The following SHISA9 variants were observed in gnomAD, a reference collection of about 807,000 sequenced individuals.
SHISA9 encodes the protein shisa family member 9, also known as protein shisa-9.
Under a neutral mutation model 38.0 loss-of-function variants are expected in SHISA9, and 13 were observed. The observed-to-expected ratio is 0.34, with a 90% CI of 0.22 to 0.54. The LOEUF is 0.54. Among genes scored for constraint, SHISA9 ranks in the 20% least tolerant of loss-of-function variants. The probability of loss-of-function intolerance (pLI) is 0.91; values close to 1 mark genes in which losing one functional copy is unlikely to be tolerated. For synonymous variants in SHISA9, 275 were observed against 242.0 expected, an observed-to-expected ratio of 1.14 and a Z score of -1.27; for missense variants, 538 against 575.8, an observed-to-expected ratio of 0.93 and a Z score of 0.67.
At chr16:12,930,675 AACCTT>A (rs1457524425) in intron 2 of SHISA9, among the ~76,000 whole-genome samples, 1 of 152,226 alleles carries the variant, frequency 6.6e-6, no homozygotes, top group African/African-American at 2.4e-5. Context: ...TAATGAAAAA[AACCTT>A]AACACTGGTG....
At chr16:13,407,693 T>C in the SHISA9 span, among the ~76,000 whole-genome samples, 1 of 152,178 alleles carries the variant, frequency 6.6e-6, no homozygotes, top group Admixed American at 6.5e-5. Context: ...CCTCTACCCA[T>C]TTATCAACAA....
the SHISA9 span, among the ~76,000 whole-genome samples, chr16:13,423,453 C>T: frequency 2.0e-5 from 3 of 152,328 alleles, no homozygotes; most frequent in South Asian, 6.2e-4. Flanking sequence ...TTTATAACCT[C>T]TGTACCTGTT....
chr16:13,141,758 T>C (rs1030717743), intron 2 of SHISA9, among the ~76,000 whole-genome samples: 8 of 152,142 alleles, frequency 5.3e-5, no homozygotes, highest in Admixed American at 5.2e-4. Context: ...AGCTCTTGTA[T>C]CCTCCTTGCC....
At chr16:12,948,802 C>A (rs2071718597) in intron 2 of SHISA9, among the ~76,000 whole-genome samples, 1 of 152,112 alleles carries the variant, frequency 6.6e-6, no homozygotes, top group South Asian at 2.1e-4. Context: ...ATATTCAGAC[C>A]ATAGCAATAT....
chr16:13,356,511 G>GA, the SHISA9 span, among the ~76,000 whole-genome samples: 1 of 152,146 alleles, frequency 6.6e-6, no homozygotes, highest in Admixed American at 6.5e-5. Flanking sequence ...GTCACGGAAC[G>GA]AAACGGTAAG....
chr16:13,079,091 T>C (rs1471045758), intron 2 of SHISA9, among the ~76,000 whole-genome samples: 1 of 152,182 alleles, frequency 6.6e-6, no homozygotes, highest in African/African-American at 2.4e-5. Context: ...AATAGAACTT[T>C]CCTCAGATAA....
At chr16:13,389,985 C>A in the SHISA9 span, among the ~76,000 whole-genome samples, 1 of 152,138 alleles carries the variant, frequency 6.6e-6, no homozygotes. Context: ...GGGTTAGGCA[C>A]CTGGCTTAAA....
At chr16:13,450,542 T>G in the SHISA9 span, among the ~76,000 whole-genome samples, 1 of 152,164 alleles carries the variant, frequency 6.6e-6, no homozygotes, top group Non-Finnish European at 1.5e-5. Flanking sequence ...TTGCTGCTAT[T>G]TCATGGCAAA....
chr16:13,092,326 C>A (rs2073783281), intron 2 of SHISA9, among the ~76,000 whole-genome samples: 1 of 152,202 alleles, frequency 6.6e-6, no homozygotes, highest in South Asian at 2.1e-4. Context: ...AGCTCAAACT[C>A]CATGCTGGAG....
the SHISA9 span, among the ~76,000 whole-genome samples, chr16:13,384,796 T>A: frequency 3.9e-5 from 6 of 152,232 alleles, no homozygotes; most frequent in Non-Finnish European, 7.3e-5. Flanking sequence ...TTGGCATGAA[T>A]TCATTCTTTT....
At chr16:13,121,489 C>G (rs75590076) in intron 2 of SHISA9, among the ~76,000 whole-genome samples, 1 of 152,134 alleles carries the variant, frequency 6.6e-6, no homozygotes, top group African/African-American at 2.4e-5. Context: ...AAGAACCCAT[C>G]TCGAAAATAA....
intron 2 of SHISA9, among the ~76,000 whole-genome samples, chr16:12,974,675 G>A (rs1036300763): frequency 1.3e-5 from 2 of 151,774 alleles, no homozygotes; most frequent in African/African-American, 4.8e-5. Context: ...GTAGAGCGGG[G>A]TTTTGCCATG....
At chr16:13,047,231 C>A (rs1028068992) in intron 2 of SHISA9, among the ~76,000 whole-genome samples, 1 of 151,912 alleles carries the variant, frequency 6.6e-6, no homozygotes, top group African/African-American at 2.4e-5. Flanking sequence ...TTAATAAATT[C>A]TTCTCTGCCC....
At chr16:12,945,036 G>A (rs1020178571) in intron 2 of SHISA9, among the ~76,000 whole-genome samples, 1 of 152,138 alleles carries the variant, frequency 6.6e-6, no homozygotes, top group African/African-American at 2.4e-5. Flanking sequence ...AAGGAAGCTG[G>A]GGGGCTTATC....
intron 2 of SHISA9, among the ~76,000 whole-genome samples, chr16:12,941,250 C>A (rs933406339): frequency 6.6e-6 from 1 of 152,128 alleles, no homozygotes; most frequent in East Asian, 1.9e-4. Flanking sequence ...ACCTGGGAAC[C>A]TAAGGCAGGA....
At chr16:13,398,952 C>T in the SHISA9 span, among the ~76,000 whole-genome samples, 2,141 of 152,216 alleles carry the variant, frequency 0.014, 22 homozygotes, top group Middle Eastern at 0.037. Context: ...GCCAGTTATA[C>T]GCATTAGAAC....
intron 4 of SHISA9, among the ~76,000 whole-genome samples, chr16:13,214,405 A>C (rs1173213822): frequency 6.6e-6 from 1 of 151,832 alleles, no homozygotes; most frequent in African/African-American, 2.4e-5. Context: ...ACGGGGTTTC[A>C]CCGTGTTGGC....
At chr16:12,980,746 T>G (rs533387713) in intron 2 of SHISA9, among the ~76,000 whole-genome samples, 72 of 152,096 alleles carry the variant, frequency 4.7e-4, no homozygotes, top group Non-Finnish European at 8.2e-4. Context: ...TTTTTCTATT[T>G]TTTTAGTCAT....
chr16:13,153,434 T>C (rs139403043), intron 2 of SHISA9, among the ~76,000 whole-genome samples: 63 of 152,282 alleles, frequency 4.1e-4, no homozygotes, highest in Non-Finnish European at 1.9e-4. Context: ...AGGAGGTGCT[T>C]GAGAAATTCC....
Sources: gnomAD v4.1 joint callset for allele counts (sites outside exome capture counted in the v4.1 genomes callset) on GRCh38, gnomAD v4.1.1 for gene constraint, MANE v1.5 for transcripts, NCBI Gene and HGNC (gene_info 2026-07-23, HGNC 2026-07-21) for gene names.